EXOC4: variants seen among roughly 807,000 people sequenced by gnomAD.
EXOC4 encodes the protein exocyst complex component 4, also known as SEC8-like 1.
Under a neutral mutation model 107.2 loss-of-function variants are expected in EXOC4, and 71 were observed. The observed-to-expected ratio is 0.66, with a 90% confidence interval of 0.55 to 0.81. The LOEUF (loss-of-function observed/expected upper bound fraction) is 0.81. Among genes scored for constraint, EXOC4 ranks in the 30% least tolerant of loss-of-function variants. The pLI is 0.00. For synonymous variants in EXOC4, 456 were observed against 441.2 expected, an observed-to-expected ratio of 1.03 and a Z score of -0.42; for missense variants, 1,108 against 1,189.6, an observed-to-expected ratio of 0.93 and a Z score of 1.01.
chr7:134,068,086 G>A (rs1233811027), downstream of EXOC4, among the ~76,000 whole-genome samples: 1 of 152,136 alleles, frequency 6.6e-6, no homozygotes, highest in Non-Finnish European at 1.5e-5. Flanking sequence ...TTAGTGGTAA[G>A]ACCAGGCCTG....
chr7:133,350,970 G>A (rs776042173), intron 5 of EXOC4, among the ~76,000 whole-genome samples: 82 of 150,982 alleles, frequency 5.4e-4, no homozygotes, highest in Admixed American at 5.1e-3. Context: ...CATCTTTTTC[G>A]TTAATTCCTG....
intron 12 of EXOC4, among the ~76,000 whole-genome samples, chr7:133,903,080 C>T (rs1365064319): frequency 1.3e-5 from 2 of 152,092 alleles, no homozygotes; most frequent in African/African-American, 4.8e-5. Flanking sequence ...GGGCAAAGGC[C>T]AGGAGGCAGG....
At chr7:133,423,226 C>A (rs536493061) in intron 7 of EXOC4, among the ~76,000 whole-genome samples, 979 of 1,038 alleles carry the variant, frequency 0.94, 471 homozygotes, top group Middle Eastern at 1. Context: ...ACTCCGTCTC[C>A]AAAAAAAAAA....
chr7:133,677,081 G>C (rs919374209), intron 10 of EXOC4, among the ~76,000 whole-genome samples: 2 of 151,656 alleles, frequency 1.3e-5, no homozygotes, highest in African/African-American at 4.8e-5. Context: ...TCCTTACAAG[G>C]TATTATTCTG....
chr7:133,824,351 C>T (rs2151228245), intron 11 of EXOC4, among the ~76,000 whole-genome samples: 1 of 151,962 alleles, frequency 6.6e-6, no homozygotes, highest in East Asian at 2.0e-4. Flanking sequence ...ACATTTTCAA[C>T]CTGCGTCTTC....
chr7:133,940,863 C>T (rs1348878046), intron 14 of EXOC4, among the ~76,000 whole-genome samples: 2 of 151,580 alleles, frequency 1.3e-5, no homozygotes, highest in Non-Finnish European at 2.9e-5. Context: ...GAGGAAAATG[C>T]TCAGCAGGAT....
chr7:133,924,868 G>GA (rs953028605), intron 13 of EXOC4, among the ~76,000 whole-genome samples: 5 of 152,192 alleles, frequency 3.3e-5, no homozygotes, highest in Admixed American at 1.3e-4. Flanking sequence ...GAGATGGCTT[G>GA]AAAAACAAAC....
At chr7:133,648,354 G>T (rs1024123284) in intron 10 of EXOC4, among the ~76,000 whole-genome samples, 1 of 152,156 alleles carries the variant, frequency 6.6e-6, no homozygotes, top group African/African-American at 2.4e-5. Flanking sequence ...TGTTGGCACT[G>T]TCTTCTGGAG....
intron 14 of EXOC4, among the ~76,000 whole-genome samples, chr7:133,973,036 A>G (rs2953625): frequency 0.7 from 106,220 of 152,062 alleles, 37,513 homozygotes; most frequent in East Asian, 0.91. Context: ...CTATCTTATG[A>G]GGACATTAGA....
At chr7:134,009,295 T>TTA (rs1794714779) in intron 17 of EXOC4, among the ~76,000 whole-genome samples, 8 of 152,172 alleles carry the variant, frequency 5.3e-5, no homozygotes, top group Admixed American at 5.2e-4. Context: ...TTGAAACAAT[T>TTA]TATGGAGATG....
intron 10 of EXOC4, among the ~76,000 whole-genome samples, chr7:133,667,038 T>C (rs1193247489): frequency 6.6e-5 from 10 of 152,170 alleles, no homozygotes; most frequent in Non-Finnish European, 1.3e-4. Context: ...CTCTTAGCAC[T>C]TCCTAGGAAA....
intron 6 of EXOC4, among the ~76,000 whole-genome samples, chr7:133,368,921 T>G (rs1336495376): frequency 6.6e-6 from 1 of 152,214 alleles, no homozygotes; most frequent in African/African-American, 2.4e-5. Flanking sequence ...TGATCTTGCC[T>G]GCTCTTTTGT....
intron 12 of EXOC4, among the ~76,000 whole-genome samples, chr7:133,896,700 T>C (rs1433870285): frequency 6.7e-6 from 1 of 149,496 alleles, no homozygotes. Flanking sequence ...GGAGTCTCGC[T>C]CTGTTGCCAG....
intron 10 of EXOC4, among the ~76,000 whole-genome samples, chr7:133,737,520 C>T (rs1270233958): frequency 6.6e-6 from 1 of 151,904 alleles, no homozygotes; most frequent in African/African-American, 2.4e-5. Context: ...TATAGATCTA[C>T]CTCATGTTAT....
chr7:133,876,371 C>T (rs932702338), intron 11 of EXOC4, among the ~76,000 whole-genome samples: 2 of 151,912 alleles, frequency 1.3e-5, no homozygotes, highest in African/African-American at 4.8e-5. Flanking sequence ...TGAGTCTTCC[C>T]AGGTTGTTCT....
intron 10 of EXOC4, among the ~76,000 whole-genome samples, chr7:133,676,308 T>C (rs1794056458): frequency 6.6e-6 from 1 of 152,148 alleles, no homozygotes. Context: ...AAATTTTATT[T>C]TAAACAAGTA....
intron 10 of EXOC4, among the ~76,000 whole-genome samples, chr7:133,737,295 A>G (rs1795464005): frequency 6.6e-6 from 1 of 152,178 alleles, no homozygotes; most frequent in Non-Finnish European, 1.5e-5. Context: ...GCACTTGGTA[A>G]TAGTTCTCTG....
intron 7 of EXOC4, among the ~76,000 whole-genome samples, chr7:133,463,289 C>A (rs745990085): frequency 6.6e-6 from 1 of 152,130 alleles, no homozygotes; most frequent in Admixed American, 6.5e-5. Context: ...GGAGCTCCCC[C>A]GCTTTGGTGC....
chr7:133,413,706 T>C (rs773574293), intron 7 of EXOC4, among the ~76,000 whole-genome samples: 51 of 152,136 alleles, frequency 3.4e-4, no homozygotes, highest in Non-Finnish European at 6.0e-4. Context: ...AGATCATTCA[T>C]ATTTGCACTA....
Sources: gnomAD v4.1 joint callset for allele counts (sites outside exome capture counted in the v4.1 genomes callset) on GRCh38, gnomAD v4.1.1 for gene constraint, MANE v1.5 for transcripts, NCBI Gene and HGNC (gene_info 2026-07-23, HGNC 2026-07-21) for gene names.